The following CNTNAP2 variants were observed in gnomAD, a reference collection of about 807,000 sequenced individuals.
CNTNAP2 encodes contactin-associated protein-like 2.
A neutral mutation model predicts 155.2 loss-of-function variants in CNTNAP2; 98 were observed. The observed-to-expected ratio is 0.63, with a 90% CI of 0.54 to 0.75. The LOEUF (loss-of-function observed/expected upper bound fraction) is 0.75. Among genes scored for constraint, CNTNAP2 ranks in the 30% least tolerant of loss-of-function variants. The pLI is 0.00. For missense variants in CNTNAP2, 1,727 were observed against 1,688.1 expected, an observed-to-expected ratio of 1.02 and a Z score of -0.40; for synonymous variants, 651 against 631.2, an observed-to-expected ratio of 1.03 and a Z score of -0.47.
At chr7:148,371,237 C>T (rs1191086875) in intron 21 of CNTNAP2, among the ~76,000 whole-genome samples, 1 of 152,160 alleles carries the variant, frequency 6.6e-6, no homozygotes, top group Non-Finnish European at 1.5e-5. Flanking sequence ...CTATCAGCCC[C>T]ATTGTCCCAA....
chr7:146,235,457 G>A (rs901554847), intron 1 of CNTNAP2, among the ~76,000 whole-genome samples: 2 of 152,128 alleles, frequency 1.3e-5, no homozygotes, highest in Non-Finnish European at 2.9e-5. Flanking sequence ...TGGCAGGGAA[G>A]TGGAGATGTA....
At chr7:148,363,673 C>T (rs545120412) in intron 21 of CNTNAP2, among the ~76,000 whole-genome samples, 3 of 152,316 alleles carry the variant, frequency 2.0e-5, no homozygotes, top group East Asian at 1.9e-4. Context: ...TCAGAGCCCT[C>T]GCTTGCTCTC....
intron 1 of CNTNAP2, among the ~76,000 whole-genome samples, chr7:146,657,144 T>G (rs1355757357): frequency 3.9e-5 from 6 of 152,212 alleles, no homozygotes; most frequent in African/African-American, 1.4e-4. Context: ...CCTCACATAT[T>G]AAGATCTCAT....
At chr7:147,694,565 G>A (rs978717858) in intron 13 of CNTNAP2, among the ~76,000 whole-genome samples, 9 of 152,086 alleles carry the variant, frequency 5.9e-5, no homozygotes, top group African/African-American at 1.9e-4. Flanking sequence ...TCTCATGTGA[G>A]TTTTTCAAAG....
chr7:147,411,858 G>C (rs1193121034), intron 10 of CNTNAP2, among the ~76,000 whole-genome samples: 1 of 152,170 alleles, frequency 6.6e-6, no homozygotes, highest in South Asian at 2.1e-4. Flanking sequence ...TAATGAGATA[G>C]ATAGCACTCT....
chr7:147,985,124 A>AAATG (rs1801594927), intron 15 of CNTNAP2, among the ~76,000 whole-genome samples: 2 of 147,472 alleles, frequency 1.4e-5, no homozygotes, highest in African/African-American at 5.2e-5. Flanking sequence ...AAAAATAAAT[A>AAATG]AATAAATAAA....
intron 1 of CNTNAP2, among the ~76,000 whole-genome samples, chr7:146,202,890 A>G (rs1798888456): frequency 6.6e-6 from 1 of 152,108 alleles, no homozygotes; most frequent in Admixed American, 6.6e-5. Flanking sequence ...ATCTTTTCCT[A>G]TTTTTTTGTA....
chr7:146,680,809 A>T (rs1800488983), intron 1 of CNTNAP2, among the ~76,000 whole-genome samples: 1 of 152,222 alleles, frequency 6.6e-6, no homozygotes, highest in African/African-American at 2.4e-5. Context: ...AGAAAGAAAC[A>T]TGTCACTGAT....
At chr7:146,695,321 C>T (rs1800764147) in intron 1 of CNTNAP2, among the ~76,000 whole-genome samples, 1 of 152,020 alleles carries the variant, frequency 6.6e-6, no homozygotes, top group African/African-American at 2.4e-5. Context: ...TTGTCAAATG[C>T]CTTTTCAGCA....
chr7:147,659,286 C>G (rs1419621439), intron 13 of CNTNAP2, among the ~76,000 whole-genome samples: 1 of 152,166 alleles, frequency 6.6e-6, no homozygotes, highest in Admixed American at 6.5e-5. Context: ...CCATGGAGAT[C>G]AAATGGAATA....
chr7:147,777,066 C>T (rs1584949999), intron 13 of CNTNAP2, among the ~76,000 whole-genome samples: 1 of 151,712 alleles, frequency 6.6e-6, no homozygotes, highest in East Asian at 1.9e-4. Context: ...CTGTACTATC[C>T]ATAAGTATTG....
chr7:146,976,020 G>T (rs1797903838), intron 3 of CNTNAP2, among the ~76,000 whole-genome samples: 1 of 152,108 alleles, frequency 6.6e-6, no homozygotes, highest in African/African-American at 2.4e-5. Flanking sequence ...AATTATTGAG[G>T]CATCATTGTG....
intron 13 of CNTNAP2, among the ~76,000 whole-genome samples, chr7:147,712,669 T>C (rs988455754): frequency 1.3e-5 from 2 of 152,150 alleles, no homozygotes; most frequent in African/African-American, 2.4e-5. Flanking sequence ...CCGCATGTTC[T>C]CACTCATAGG....
At chr7:147,620,914 A>C (rs1794836978) in intron 12 of CNTNAP2, among the ~76,000 whole-genome samples, 3 of 152,180 alleles carry the variant, frequency 2.0e-5, no homozygotes, top group Admixed American at 2.0e-4. Flanking sequence ...TTTGACCCAA[A>C]GAAGACTAGC....
chr7:146,297,348 C>T (rs1800531310), intron 1 of CNTNAP2, among the ~76,000 whole-genome samples: 1 of 151,856 alleles, frequency 6.6e-6, no homozygotes, highest in Admixed American at 6.6e-5. Flanking sequence ...TAATAATCTT[C>T]AGTGTTGTCT....
intron 13 of CNTNAP2, among the ~76,000 whole-genome samples, chr7:147,711,518 A>G (rs1461460733): frequency 6.6e-6 from 1 of 152,198 alleles, no homozygotes; most frequent in Non-Finnish European, 1.5e-5. Context: ...GCACTGCTCT[A>G]TAGGATTTCC....
chr7:148,018,240 T>C (rs1802213851), intron 15 of CNTNAP2, among the ~76,000 whole-genome samples: 1 of 152,196 alleles, frequency 6.6e-6, no homozygotes, highest in Admixed American at 6.5e-5. Context: ...ATTGATTTGT[T>C]GAGGTGTTCA....
chr7:147,205,304 A>G (rs1343958828), intron 8 of CNTNAP2, among the ~76,000 whole-genome samples: 1 of 151,772 alleles, frequency 6.6e-6, no homozygotes, highest in East Asian at 1.9e-4. Context: ...GTGCCCATCA[A>G]CTTTGTTCTT....
intron 17 of CNTNAP2, among the ~76,000 whole-genome samples, chr7:148,164,502 G>A (rs1805611540): frequency 6.6e-6 from 1 of 151,962 alleles, no homozygotes; most frequent in African/African-American, 2.4e-5. Flanking sequence ...TCCAGTGGCG[G>A]GCTCAAGACC....
Sources: gnomAD v4.1 joint callset for allele counts (sites outside exome capture counted in the v4.1 genomes callset) on GRCh38, gnomAD v4.1.1 for gene constraint, MANE v1.5 for transcripts, NCBI Gene and HGNC (gene_info 2026-07-23, HGNC 2026-07-21) for gene names.